The following PDE10A variants were observed in gnomAD, a reference collection of about 807,000 sequenced individuals.
PDE10A encodes the protein phosphodiesterase 10A.
Under a neutral mutation model 97.7 loss-of-function variants are expected in PDE10A, and 39 were observed. The ratio of observed to expected loss-of-function variants is 0.40; its 90% CI spans 0.31 to 0.52. The LOEUF (loss-of-function observed/expected upper bound fraction) is 0.52. Ranked by LOEUF, PDE10A falls within the 20% of genes least tolerant of loss-of-function variation. PDE10A has a pLI of 0.56. For missense variants in PDE10A, 731 were observed against 1,047.8 expected, an observed-to-expected ratio of 0.70 and a Z score of 4.17; for synonymous variants, 371 against 376.8, an observed-to-expected ratio of 0.98 and a Z score of 0.18.
At chr6:165,572,788 G>A (rs769129177) in intron 1 of PDE10A, among the ~76,000 whole-genome samples, 17 of 152,174 alleles carry the variant, frequency 1.1e-4, no homozygotes, top group Non-Finnish European at 1.8e-4. Flanking sequence ...AGTGAGCCAC[G>A]ATCGTGCCAC....
chr6:165,463,674 A>G (rs895092968), intron 3 of PDE10A, among the ~76,000 whole-genome samples: 5 of 146,166 alleles, frequency 3.4e-5, no homozygotes, highest in Non-Finnish European at 7.4e-5. Flanking sequence ...GTTGGGAATA[A>G]GCCCCCCCCA....
At chr6:165,584,342 T>C (rs1352329082) in intron 1 of PDE10A, among the ~76,000 whole-genome samples, 1 of 152,166 alleles carries the variant, frequency 6.6e-6, no homozygotes, top group Admixed American at 6.5e-5. Context: ...GCCGCCTTCT[T>C]ACTGGGGGGC....
At chr6:165,541,160 G>T (rs1278714780) in intron 2 of PDE10A, among the ~76,000 whole-genome samples, 1 of 152,114 alleles carries the variant, frequency 6.6e-6, no homozygotes, top group Non-Finnish European at 1.5e-5. Context: ...TATACTTCCA[G>T]TGCTTGTATC....
chr6:165,919,728 A>G (rs940506063), intron 1 of PDE10A, among the ~76,000 whole-genome samples: 1 of 152,226 alleles, frequency 6.6e-6, no homozygotes, highest in Non-Finnish European at 1.5e-5. Flanking sequence ...AAACCATTCT[A>G]ACTTATCTTT....
intron 1 of PDE10A, among the ~76,000 whole-genome samples, chr6:165,749,245 T>TCACCATCAACAA: frequency 1.4e-5 from 1 of 71,332 alleles, no homozygotes; most frequent in African/African-American, 5.1e-5. Context: ...CACCATCACA[T>TCACCATCAACAA]CACCATCATC....
At chr6:165,520,442 C>T (rs62443798) in intron 2 of PDE10A, among the ~76,000 whole-genome samples, 3,710 of 152,184 alleles carry the variant, frequency 0.024, 75 homozygotes, top group South Asian at 0.075. Context: ...GGAACTACTT[C>T]GTGCTTGACA....
chr6:165,465,222 G>A (rs1056213836), intron 3 of PDE10A, among the ~76,000 whole-genome samples: 1 of 152,304 alleles, frequency 6.6e-6, no homozygotes, highest in African/African-American at 2.4e-5. Context: ...TCTGTAATGA[G>A]CAACTATAAT....
chr6:165,413,423 G>C, intron 13 of PDE10A, 78 bp downstream of exon 13: 5 of 790,890 alleles, frequency 6.3e-6, no homozygotes, highest in Non-Finnish European at 7.5e-6. Context: ...AAAAAAAAAA[G>C]CCCTTAAGCT....
In PDE10A at chr6:165,388,402, A is replaced by G. The variant is rs747093912; in HGVS notation, c.2506T>C (p.Phe836Leu). The G allele has an allele frequency of 6.2e-7, 1 of 1,614,142 alleles. No homozygotes were observed. The highest frequency in any genetic ancestry group is 2.2e-5 in the East Asian group (1 of 44,884). Residue 836 changes from phenylalanine to leucine, a missense_variant, in exon 17 of 22, where the codon TTC (phenylalanine) becomes CTC (leucine). Coordinates refer to ENST00000539869, the MANE Select transcript of PDE10A (RefSeq NM_001385079.1). The surrounding 1 kb of genome is among the most constrained non-coding windows in gnomAD (Gnocchi z 4.0). ...CLCHDLDHRG[F>L]SNSYLQKFDH... is the part of the protein sequence containing the mutation. ...AACTTCTGCAGGTAGCTGTTACTGAAGCCCCTGTGGTCCAGGTCATGACAC... is the reference window on the plus strand; with the variant it reads ...AACTTCTGCAGGTAGCTGTTACTGAGGCCCCTGTGGTCCAGGTCATGACAC...
chr6:165,486,973 C>T (rs1779958575), intron 2 of PDE10A, among the ~76,000 whole-genome samples: 1 of 152,318 alleles, frequency 6.6e-6, no homozygotes, highest in African/African-American at 2.4e-5. Flanking sequence ...GAGCCAGGGC[C>T]TTCTTTCCCA....
At chr6:165,761,312 T>A (rs548348581) in intron 1 of PDE10A, among the ~76,000 whole-genome samples, 1 of 152,358 alleles carries the variant, frequency 6.6e-6, no homozygotes, top group African/African-American at 2.4e-5. Context: ...TGATAGAGAA[T>A]TAAAATGCTA....
chr6:165,764,829 G>C (rs973041942), intron 1 of PDE10A, among the ~76,000 whole-genome samples: 1 of 152,184 alleles, frequency 6.6e-6, no homozygotes, highest in East Asian at 1.9e-4. Flanking sequence ...GGACCCGAGC[G>C]GGTTGCCACT....
rs145523300 is a variant in PDE10A at position 165,745,099 on chromosome 6, A to C, written c.-614-201531T>G. ...GGTATTTTAATTTGCTTTTACTTAG[A>C]TACTAGCAAATTCAAGCATTTTTAC... On this transcript the variant is annotated intron_variant, in intron 1 of 19. Transcript: ENST00000366882. Among the ~76,000 whole-genome samples, 8 of 152,322 alleles carry C rather than the reference A, an allele frequency of 5.3e-5. No individual in the cohort carries two copies. In the East Asian group the frequency reaches 9.7e-4, roughly 18 times the overall value.
At chr6:165,973,580 A>T (rs1196120121) in intron 1 of PDE10A, among the ~76,000 whole-genome samples, 1 of 152,140 alleles carries the variant, frequency 6.6e-6, no homozygotes, top group Admixed American at 6.5e-5. Context: ...ATGAAAAAAA[A>T]AAAAATTCTG....
rs556790967 is a variant in PDE10A at position 165,681,278 on chromosome 6, C to G, written c.-614-137710G>C. ...GCTGTGCAAAAAGGAATTTAAGAAG[C>G]CTGTTTCCTAATACTTAGTTTCGTA... On this transcript the variant is annotated intron_variant, in intron 1 of 19. Transcript: ENST00000366882. Among the ~76,000 whole-genome samples the G allele has an allele frequency of 2.0e-4, 30 of 152,296 alleles. 2 individuals carry two copies. Among genetic ancestry groups the G allele is most frequent in the Admixed American group, 5.9e-4 (9 of 15,300 alleles).
intron 17 of PDE10A, among the ~76,000 whole-genome samples, chr6:165,381,732 C>G (rs532894466): frequency 1.3e-5 from 2 of 150,670 alleles, no homozygotes; most frequent in Non-Finnish European, 2.9e-5. Context: ...CTGCCTGCAT[C>G]GGCCTCCCAA....
chr6:165,694,827 C>T (rs1481465657), intron 1 of PDE10A, among the ~76,000 whole-genome samples: 5 of 150,582 alleles, frequency 3.3e-5, no homozygotes, highest in East Asian at 2.0e-4. Flanking sequence ...GGCTCCCAAA[C>T]GAAACAGAAA....
At chr6:165,683,970 T>G (rs1261933835) in intron 1 of PDE10A, among the ~76,000 whole-genome samples, 1 of 152,188 alleles carries the variant, frequency 6.6e-6, no homozygotes, top group Non-Finnish European at 1.5e-5. Context: ...ACGGAAGCCT[T>G]GAGGCCTGAA....
chr6:165,969,175 C>T (rs1362133521), intron 1 of PDE10A, among the ~76,000 whole-genome samples: 1 of 152,144 alleles, frequency 6.6e-6, no homozygotes, highest in Non-Finnish European at 1.5e-5. Context: ...GAAGAACTAC[C>T]TGAGAAAATA....
Sources: allele counts gnomAD v4.1 joint callset (sites outside exome capture counted in the v4.1 genomes callset), GRCh38; gene constraint gnomAD v4.1.1; non-coding constraint Gnocchi (gnomAD v3.1); transcripts MANE v1.5; gene names NCBI Gene and HGNC (gene_info 2026-07-23, HGNC 2026-07-21).